GCN1: variants seen among roughly 807,000 people sequenced by gnomAD.
GCN1 encodes GCN1 activator of EIF2AK4.
In GCN1, 90 loss-of-function variants were observed where a neutral mutation model predicts 288.4. That is an observed-to-expected ratio of 0.31 (90% confidence interval 0.26 to 0.37). The LOEUF (loss-of-function observed/expected upper bound fraction) is 0.37. Ranked by LOEUF, GCN1 falls within the 10% of genes least tolerant of loss-of-function variation. The probability of loss-of-function intolerance (pLI) is 1.00; values close to 1 mark genes in which losing one functional copy is unlikely to be tolerated. For synonymous variants in GCN1, 1,386 were observed against 1,420.2 expected (o/e 0.98, Z 0.54); for missense variants, 2,586 against 3,419.9 (o/e 0.76, Z 6.08).
intron 17 of GCN1, 34 bp downstream of exon 17, chr12:120,164,612 G>A (rs748532479): frequency 6.2e-7 from 1 of 1,604,026 alleles, no homozygotes; most frequent in Non-Finnish European, 8.5e-7. Context: ...TGCCTCATTT[G>A]GCCCAAAAGA....
At position 120,129,269 on chromosome 12, in the gene GCN1, C is replaced by T; in HGVS notation, c.7890+7G>A. 2 of 1,605,728 alleles carry T rather than the reference C, an allele frequency of 1.2e-6. No individual in the cohort carries two copies. Among genetic ancestry groups the T allele is most frequent in the Non-Finnish European group, 8.5e-7 (1 of 1,172,946 alleles). On this transcript the variant is annotated splice_region_variant and intron_variant, in intron 57 of 57. Coordinates refer to ENST00000300648, the MANE Select transcript of GCN1 (RefSeq NM_006836.2). The stretch of plus-strand genomic sequence containing the variant: ...GCACATCCTGGTGAGGCCCCCCAGG[C>T]TCCCACCTGAAACACCTCTTCACCC...
At chr12:120,133,829 G>A (rs1275591926) in intron 53 of GCN1, among the ~76,000 whole-genome samples, 3 of 152,138 alleles carry the variant, frequency 2.0e-5, no homozygotes, top group Admixed American at 1.3e-4. Flanking sequence ...CAGCACTTTC[G>A]GAGCCCGAGG....
At chr12:120,157,717 G>C in intron 26 of GCN1, 132 bp downstream of exon 26, 1 of 727,686 alleles carries the variant, frequency 1.4e-6, no homozygotes, top group Non-Finnish European at 2.2e-6. Flanking sequence ...AACACTGTGT[G>C]AGGCTGCTGT....
chr12:120,161,361 G>T, intron 22 of GCN1, 129 bp downstream of exon 22: 1 of 675,050 alleles, frequency 1.5e-6, no homozygotes. Flanking sequence ...ACTGGTCAGG[G>T]GCATCAGAGG....
chr12:120,193,851 TG>T (rs1379676267), intron 1 of GCN1, among the ~76,000 whole-genome samples: 1 of 152,236 alleles, frequency 6.6e-6, no homozygotes, highest in Admixed American at 6.5e-5. Flanking sequence ...GGTCATTTTC[TG>T]GGCCTACACA....
At chr12:120,186,250 G>A (rs570705048) in intron 2 of GCN1, among the ~76,000 whole-genome samples, 1 of 152,122 alleles carries the variant, frequency 6.6e-6, no homozygotes, top group South Asian at 2.1e-4. Flanking sequence ...AAGGTGGGAG[G>A]ATCACCTAAG....
At position 120,137,744 on chromosome 12, in the gene GCN1, T is replaced by C; in HGVS notation, c.6464A>G (p.Asp2155Gly). 2.5e-6 allele frequency: 4 copies of C among 1,614,072 alleles called. No homozygotes were observed. The highest frequency in any genetic ancestry group is 8.5e-7 in the Non-Finnish European group (1 of 1,179,970). Residue 2155 changes from aspartate (D) to glycine (G), a missense_variant, in exon 49 of 58, where the codon GAT (aspartate) becomes GGT (glycine). Around this residue, in one of 8 missense-constraint regions of GCN1, gnomAD observed 437 missense variants for 570.5 expected, o/e 0.77. Transcript: ENST00000300648. The surrounding 1 kb of genome is among the most constrained non-coding windows in gnomAD (Gnocchi z 5.2). ...DDTGHRIIIE[D>G]LLEATRSPEV... ...AGGGCTGCGGGTGGCCTCCAGCAGA[T>C]CCTCGATGATGATCCGGTGCCCTGT...
rs781236719 is a variant in GCN1, at chr12:120,155,442, C to G, written c.3441-12G>C. The G allele has an allele frequency of 3.1e-6, 5 of 1,611,898 alleles. No individual in the cohort carries two copies. ...TCATTGACCAGAGCCTGTGGGAGAT[C>G]CAAGGCAGGGGCTGCTTAGACAAAG... On this transcript the variant is annotated splice_polypyrimidine_tract_variant and intron_variant, in intron 29 of 57. Coordinates refer to ENST00000300648, the MANE Select transcript of GCN1 (RefSeq NM_006836.2). The surrounding 1 kb of genome is among the most constrained non-coding windows in gnomAD (Gnocchi z 4.9).
At chr12:120,167,226 G>C (rs1253232540) in intron 16 of GCN1, among the ~76,000 whole-genome samples, 1 of 151,048 alleles carries the variant, frequency 6.6e-6, no homozygotes, top group African/African-American at 2.4e-5. Context: ...AGTGGCACAT[G>C]CCTGTAATCC....
chr12:120,168,306 A>C lies in GCN1; in HGVS notation c.1520-6T>G. ...GAAACTGCTCAGTTTGGCCTCTGCA[A>C]GAAACAAAAGGTTACCCCACGACGC... On this transcript the variant is annotated splice_region_variant and splice_polypyrimidine_tract_variant and intron_variant, in intron 15 of 57. Transcript: ENST00000300648. The C allele has an allele frequency of 6.4e-7, 1 of 1,556,480 alleles. No individual in the cohort carries two copies.
At position 120,137,466 on chromosome 12, in the gene GCN1, A is replaced by AT; in HGVS notation, c.6663+78dup. On this transcript the variant is annotated intron_variant, in intron 49 of 57. Coordinates refer to ENST00000300648, the MANE Select transcript of GCN1 (RefSeq NM_006836.2). This position sits in a 1 kb window ranked among gnomAD's most constrained non-coding sequence, Gnocchi z 5.2. ...AAGCTGAGTGACAGGTACGTGGGGG[A>AT]TTCTTATAAGTCTATTCCTGTAAAT... 1 of 1,512,236 alleles carries AT rather than the reference A, an allele frequency of 6.6e-7. No homozygotes were observed. Among genetic ancestry groups the AT allele is most frequent in the Non-Finnish European group, 9.1e-7 (1 of 1,095,180 alleles). The allele number at this position is 1,512,236 out of a possible 1,614,324, so 93.7% of individuals were successfully genotyped here.
intron 1 of GCN1, among the ~76,000 whole-genome samples, chr12:120,190,911 A>G (rs1247915142): frequency 6.6e-6 from 1 of 152,184 alleles, no homozygotes; most frequent in Non-Finnish European, 1.5e-5. Context: ...GGATAAGCAC[A>G]CTGGCTAAAG....
rs562729210 is a variant in GCN1 at position 120,160,305 on chromosome 12, C to T, written c.2437-50G>A. 5.6e-6 allele frequency: 7 copies of T among 1,248,238 alleles called. No individual in the cohort carries two copies. In the South Asian group the frequency reaches 7.2e-5, roughly 13 times the overall value. 77.3% of individuals were successfully genotyped at this position (1,248,238 alleles called of 1,614,324 possible). ...AATCCCATCTCCAGGGAACAGACCT[C>T]CCTCCCCAACAGAGGAAGGTGAGCT... On this transcript the variant is annotated intron_variant, in intron 22 of 57. Transcript: ENST00000300648.
chr12:120,171,079 T>C, intron 14 of GCN1, among the ~76,000 whole-genome samples: 1 of 145,590 alleles, frequency 6.9e-6, no homozygotes, highest in Non-Finnish European at 1.5e-5. Flanking sequence ...AGGCGGAGGT[T>C]GCAGTGAGCC....
At position 120,164,362 on chromosome 12, in the gene GCN1, G is replaced by C. The variant is rs746321847; in HGVS notation, c.1822C>G (p.Leu608Val). 3 of 1,614,152 alleles carry C rather than the reference G, an allele frequency of 1.9e-6. No individual in the cohort carries two copies. The highest frequency in any genetic ancestry group is 2.5e-6 in the Non-Finnish European group (3 of 1,180,000). ...FKLAHGLLEE[L>V]KTVLSSHKVL... ...TTGTGAGAACTGAGGACAGTCTTCA[G>C]CTCCTCCAAGAGTCCGTGCGCCAGC... The change falls in exon 18 of 58, where the codon CTG becomes GTG. Residue 608 changes from leucine to valine, a missense_variant. Leu to Val is a conservative substitution (Grantham distance 32, BLOSUM62 1). Coordinates refer to ENST00000300648, the MANE Select transcript of GCN1 (RefSeq NM_006836.2).
Position 120,148,345 on chromosome 12 carries a change from C to T in GCN1, c.4548G>A (p.Gly1516=). Residue 1516 remains glycine (G), a splice_region_variant and synonymous_variant, in exon 37 of 58, where the codon GGG becomes GGA. Coordinates refer to ENST00000300648, the MANE Select transcript of GCN1 (RefSeq NM_006836.2). The part of the protein sequence containing the change: ...LEEESWRTKA[G]SVELLGAMAY... ...CCATTGCCCCAAGAAGCTCCACTGA[C>T]CCTGTGGATAGCAGACACAAGCCCA... 1.9e-6 allele frequency: 3 copies of T among 1,611,072 alleles called. No individual in the cohort carries two copies. The highest frequency in any genetic ancestry group is 2.5e-6 in the Non-Finnish European group (3 of 1,177,818).
At chr12:120,129,107 G>A (rs1042809117) in intron 57 of GCN1, among the ~76,000 whole-genome samples, 169 bp downstream of exon 57, 1 of 152,110 alleles carries the variant, frequency 6.6e-6, no homozygotes, top group African/African-American at 2.4e-5. Context: ...GGGATTACAG[G>A]CGCGAGCCAC....
intron 55 of GCN1, 78 bp downstream of exon 55, chr12:120,131,107 G>A: frequency 7.5e-7 from 1 of 1,326,064 alleles, no homozygotes. Flanking sequence ...CCAGTCTGGG[G>A]TCCACCCGCG....
chr12:120,188,158 G>A (rs768110368), intron 2 of GCN1, among the ~76,000 whole-genome samples: 3 of 152,218 alleles, frequency 2.0e-5, no homozygotes, highest in Non-Finnish European at 2.9e-5. Flanking sequence ...TCTAGGCTGG[G>A]CATGGTGGCT....
Sources: allele counts gnomAD v4.1 joint callset (sites outside exome capture counted in the v4.1 genomes callset), GRCh38; gene constraint gnomAD v4.1.1; regional missense constraint gnomAD v4.1.1; non-coding constraint Gnocchi (gnomAD v3.1); transcripts MANE v1.5; gene names NCBI Gene and HGNC (gene_info 2026-07-23, HGNC 2026-07-21).